The following UTRN variants were observed in gnomAD, a reference collection of about 807,000 sequenced individuals.
UTRN encodes utrophin.
A neutral mutation model predicts 463.9 loss-of-function variants in UTRN; 283 were observed. The ratio of observed to expected loss-of-function variants is 0.61; its 90% CI spans 0.55 to 0.67. The LOEUF is 0.67. UTRN is among the 30% of genes least tolerant of loss of function. The pLI is 0.00. For missense variants in UTRN, 3,922 were observed against 4,084.3 expected, an observed-to-expected ratio of 0.96 and a Z score of 1.08; for synonymous variants, 1,442 against 1,431.5, an observed-to-expected ratio of 1.01 and a Z score of -0.17.
At chr6:144,470,012 G>T (rs1056122432) in intron 23 of UTRN, among the ~76,000 whole-genome samples, 3 of 152,132 alleles carry the variant, frequency 2.0e-5, no homozygotes, top group Non-Finnish European at 2.9e-5. Context: ...AGAGCACGGG[G>T]TTGGGGGCAA....
At chr6:144,813,665 C>T (rs2128750830) in intron 65 of UTRN, among the ~76,000 whole-genome samples, 1 of 152,180 alleles carries the variant, frequency 6.6e-6, no homozygotes, top group East Asian at 1.9e-4. Context: ...GATAAGCCAC[C>T]ACCAGCCACA....
chr6:144,289,431 T>A (rs1804011658), intron 1 of UTRN, among the ~76,000 whole-genome samples: 1 of 152,214 alleles, frequency 6.6e-6, no homozygotes, highest in African/African-American at 2.4e-5. Context: ...ATAGAAAGAA[T>A]AGCACAATAA....
chr6:144,750,943 A>G (rs1282042092), intron 55 of UTRN, among the ~76,000 whole-genome samples: 9 of 152,144 alleles, frequency 5.9e-5, no homozygotes, highest in Admixed American at 3.9e-4. Flanking sequence ...GGCATTTGTC[A>G]ATTCTAAGAC....
chr6:144,625,935 G>A (rs1029872072), intron 51 of UTRN, among the ~76,000 whole-genome samples: 5 of 151,778 alleles, frequency 3.3e-5, no homozygotes, highest in African/African-American at 1.2e-4. Flanking sequence ...TGAAAAGAAG[G>A]AAAAAAAATC....
intron 44 of UTRN, among the ~76,000 whole-genome samples, chr6:144,538,062 C>T (rs1797682681): frequency 6.6e-6 from 1 of 152,024 alleles, no homozygotes; most frequent in African/African-American, 2.4e-5. Context: ...TGATTATTGT[C>T]TATAAAGCTG....
intron 2 of UTRN, among the ~76,000 whole-genome samples, chr6:144,346,294 C>A (rs1168385824): frequency 6.6e-6 from 1 of 152,112 alleles, no homozygotes; most frequent in Admixed American, 6.5e-5. Context: ...TTCTTTCCTG[C>A]CCTATGACCA....
Position 144,462,535 on chromosome 6 carries a change from T to G in UTRN, c.2854-119T>G, listed in dbSNP as rs1333991701. 3.3e-6 allele frequency: 3 copies of G among 920,116 alleles called. No homozygotes were observed. The East Asian group carries it at 8.2e-5, about 25-fold the overall frequency. The allele number at this position is 920,116 out of a possible 1,614,324, so 57.0% of individuals were successfully genotyped here. A position where few individuals can be genotyped will look rare whatever the true frequency, so the allele number is the denominator to read the frequency against. ...TCACACTCCCACCCACTGTTCTTTT[T>G]AGATAAAAATGCTTTCTAATGCATT... On this transcript the variant is annotated intron_variant, in intron 22 of 74. Coordinates refer to ENST00000367545, the MANE Select transcript of UTRN (RefSeq NM_007124.3).
At chr6:144,367,398 T>G (rs1329226955) in intron 2 of UTRN, among the ~76,000 whole-genome samples, 1 of 152,146 alleles carries the variant, frequency 6.6e-6, no homozygotes, top group East Asian at 1.9e-4. Context: ...TCACTTTTTT[T>G]GGTTAATTTT....
intron 50 of UTRN, among the ~76,000 whole-genome samples, chr6:144,559,032 C>T (rs991694244): frequency 2.6e-5 from 4 of 151,838 alleles, no homozygotes; most frequent in Non-Finnish European, 5.9e-5. Context: ...ACTTTGTTTT[C>T]CTTGTAAACT....
intron 2 of UTRN, among the ~76,000 whole-genome samples, chr6:144,385,764 A>G (rs1297838360): frequency 2.0e-5 from 3 of 150,446 alleles, no homozygotes; most frequent in Non-Finnish European, 4.4e-5. Flanking sequence ...GCTTGAGTGC[A>G]GAGGTGCGAT....
intron 34 of UTRN, among the ~76,000 whole-genome samples, chr6:144,504,961 T>A (rs1794572904): frequency 6.6e-6 from 1 of 152,202 alleles, no homozygotes. Context: ...TATTCAGGGA[T>A]TCAACTTCTT....
intron 50 of UTRN, among the ~76,000 whole-genome samples, chr6:144,574,964 C>CA (rs1331589823): frequency 4.6e-5 from 7 of 152,060 alleles, no homozygotes; most frequent in Non-Finnish European, 5.9e-5. Flanking sequence ...GTTAACTTTA[C>CA]AAAAAACTGC....
chr6:144,426,565 T>G, intron 7 of UTRN, 106 bp downstream of exon 7: 2 of 1,157,958 alleles, frequency 1.7e-6, no homozygotes, highest in Non-Finnish European at 2.3e-6. Context: ...GTGCCACTGC[T>G]CTCCTTTCTG....
chr6:144,563,516 C>G (rs983037091), intron 50 of UTRN, among the ~76,000 whole-genome samples: 1 of 152,124 alleles, frequency 6.6e-6, no homozygotes, highest in Non-Finnish European at 1.5e-5. Flanking sequence ...CTGTCATTCC[C>G]GAATGAATGG....
Position 144,793,865 on chromosome 6 carries a change from A to C in UTRN, c.8952A>C (p.Glu2984Asp). 1 of 1,614,066 alleles carries C rather than the reference A, an allele frequency of 6.2e-7. No homozygotes were observed. The highest frequency in any genetic ancestry group is 8.5e-7 in the Non-Finnish European group (1 of 1,179,958). Residue 2984 changes from glutamate (E) to aspartate (D), a missense_variant, in exon 63 of 75, where the codon GAA becomes GAC. Transcript: ENST00000367545. The part of the protein sequence containing the change: ...YLFKEVAGPT[E>D]MCDQRQLGLL... Reference sequence around the variant, plus strand: ...TTAAGGAAGTTGCAGGGCCAACAGAAATGTGTGACCAGAGGCAGCTGGGCC... The same window carrying C: ...TTAAGGAAGTTGCAGGGCCAACAGACATGTGTGACCAGAGGCAGCTGGGCC...
At chr6:144,695,434 C>T (rs1232920199) in intron 52 of UTRN, among the ~76,000 whole-genome samples, 2 of 151,840 alleles carry the variant, frequency 1.3e-5, no homozygotes, top group Non-Finnish European at 2.9e-5. Context: ...ACCTCCGCCT[C>T]CTGGGTTCAA....
intron 52 of UTRN, among the ~76,000 whole-genome samples, chr6:144,687,583 A>G (rs918718831): frequency 3.3e-5 from 5 of 152,142 alleles, no homozygotes; most frequent in African/African-American, 1.2e-4. Context: ...TCCATCATTT[A>G]TGAAACTTAG....
chr6:144,761,378 G>A (rs1321380514), intron 58 of UTRN, among the ~76,000 whole-genome samples: 2 of 152,028 alleles, frequency 1.3e-5, no homozygotes, highest in Non-Finnish European at 2.9e-5. Flanking sequence ...AAATGGGGCC[G>A]GGTGCAGTGG....
At chr6:144,300,580 G>A (rs1286128977) in intron 2 of UTRN, among the ~76,000 whole-genome samples, 2 of 152,184 alleles carry the variant, frequency 1.3e-5, no homozygotes, top group African/African-American at 4.8e-5. Context: ...AACCTTCAGA[G>A]TGACTTGAGA....
Sources: gnomAD v4.1 joint callset for allele counts (sites outside exome capture counted in the v4.1 genomes callset) on GRCh38, gnomAD v4.1.1 for gene constraint, MANE v1.5 for transcripts, NCBI Gene and HGNC (gene_info 2026-07-23, HGNC 2026-07-21) for gene names.